The following GRID2 variants were observed in gnomAD, a reference collection of about 807,000 sequenced individuals.
The protein encoded by GRID2 is glutamate receptor ionotropic, delta-2.
GRID2 carries 33 observed loss-of-function variants against 114.8 expected under a neutral mutation model. That is an observed-to-expected ratio of 0.29 (90% CI 0.22 to 0.38). The LOEUF (loss-of-function observed/expected upper bound fraction) is 0.38. Among genes scored for constraint, GRID2 ranks in the 10% least tolerant of loss-of-function variants. The pLI, the probability that GRID2 is intolerant of heterozygous loss-of-function variation, is 1.00. For missense variants in GRID2, 1,184 were observed against 1,257.7 expected (o/e 0.94, Z 0.89); for synonymous variants, 505 against 449.9 (o/e 1.12, Z -1.55).
chr4:93,525,735 G>C (rs1730821894), intron 13 of GRID2, among the ~76,000 whole-genome samples: 1 of 152,048 alleles, frequency 6.6e-6, no homozygotes, highest in Admixed American at 6.6e-5. Context: ...GACTGTAGTG[G>C]GAGTCCCTAA....
At chr4:93,353,013 G>GA (rs1353738755) in intron 8 of GRID2, among the ~76,000 whole-genome samples, 1 of 152,020 alleles carries the variant, frequency 6.6e-6, no homozygotes, top group Non-Finnish European at 1.5e-5. Context: ...TGCAAGTCCT[G>GA]AAAATATCAT....
chr4:93,753,363 C>G (rs1448221559), intron 14 of GRID2, among the ~76,000 whole-genome samples: 2 of 152,086 alleles, frequency 1.3e-5, no homozygotes, highest in Non-Finnish European at 2.9e-5. Context: ...TATTATTATA[C>G]TTTAAGTTCT....
intron 2 of GRID2, among the ~76,000 whole-genome samples, chr4:93,021,700 A>G (rs1723351011): frequency 6.9e-6 from 1 of 145,352 alleles, no homozygotes; most frequent in South Asian, 2.1e-4. Flanking sequence ...TATGTATATT[A>G]TGAATATTAT....
chr4:92,752,398 T>C (rs1201110762), intron 2 of GRID2, among the ~76,000 whole-genome samples: 1 of 152,154 alleles, frequency 6.6e-6, no homozygotes, highest in African/African-American at 2.4e-5. Context: ...CATTTCTTAG[T>C]CTGTGACAAG....
chr4:92,965,091 A>G (rs1025982348), intron 2 of GRID2, among the ~76,000 whole-genome samples: 2 of 151,906 alleles, frequency 1.3e-5, no homozygotes. Context: ...CTTTCACTTG[A>G]GCATGTAGAG....
intron 8 of GRID2, among the ~76,000 whole-genome samples, chr4:93,246,273 A>G (rs1049234046): frequency 6.6e-6 from 1 of 152,144 alleles, no homozygotes; most frequent in East Asian, 1.9e-4. Flanking sequence ...AGGTTTATAT[A>G]ATAGAGAGAA....
chr4:92,705,832 C>A (rs1285174098), intron 2 of GRID2, among the ~76,000 whole-genome samples: 1 of 152,102 alleles, frequency 6.6e-6, no homozygotes, highest in Non-Finnish European at 1.5e-5. Context: ...GGTCTTTGTC[C>A]TGCTGTATCA....
intron 14 of GRID2, among the ~76,000 whole-genome samples, chr4:93,670,349 A>G (rs1170251512): frequency 2.0e-5 from 3 of 152,166 alleles, no homozygotes; most frequent in Non-Finnish European, 2.9e-5. Flanking sequence ...TTCCTATCCA[A>G]TAACAAAGAC....
At chr4:93,372,912 T>A (rs1763063734) in intron 8 of GRID2, among the ~76,000 whole-genome samples, 1 of 152,156 alleles carries the variant, frequency 6.6e-6, no homozygotes, top group South Asian at 2.1e-4. Flanking sequence ...ACTAGATAGA[T>A]GTGCAATATA....
intron 2 of GRID2, among the ~76,000 whole-genome samples, chr4:92,872,452 G>A (rs1745342790): frequency 6.6e-6 from 1 of 151,872 alleles, no homozygotes; most frequent in African/African-American, 2.4e-5. Context: ...TTTTTGGTAA[G>A]GAGAAATGTT....
intron 8 of GRID2, among the ~76,000 whole-genome samples, chr4:93,338,646 T>A (rs961464259): frequency 1.3e-5 from 2 of 152,284 alleles, no homozygotes; most frequent in East Asian, 1.9e-4. Flanking sequence ...AACATTTGGA[T>A]CTTGTGAGCT....
At chr4:92,540,354 C>G (rs992150174) in intron 1 of GRID2, among the ~76,000 whole-genome samples, 3 of 152,142 alleles carry the variant, frequency 2.0e-5, no homozygotes, top group Admixed American at 2.0e-4. Context: ...TCAGAGTGAA[C>G]AGGCAACCTA....
intron 13 of GRID2, among the ~76,000 whole-genome samples, chr4:93,589,162 T>C (rs1737869377): frequency 6.6e-6 from 1 of 151,520 alleles, no homozygotes; most frequent in African/African-American, 2.4e-5. Flanking sequence ...TAACTCGTCA[T>C]CTAGCATTAG....
chr4:92,455,742 T>G (rs1721182288), intron 1 of GRID2, among the ~76,000 whole-genome samples: 1 of 152,168 alleles, frequency 6.6e-6, no homozygotes, highest in South Asian at 2.1e-4. Context: ...TGCATCCTCA[T>G]GTAACTCAAG....
At chr4:93,536,497 C>T (rs577346054) in intron 13 of GRID2, among the ~76,000 whole-genome samples, 1 of 151,918 alleles carries the variant, frequency 6.6e-6, no homozygotes, top group South Asian at 2.1e-4. Context: ...TGGATATCCA[C>T]ACGCAAGAGA....
At chr4:92,598,051 T>C (rs964932880) in intron 2 of GRID2, among the ~76,000 whole-genome samples, 1 of 152,206 alleles carries the variant, frequency 6.6e-6, no homozygotes, top group African/African-American at 2.4e-5. Context: ...CCTTGACAAG[T>C]GTAATGAGGT....
intron 7 of GRID2, among the ~76,000 whole-genome samples, chr4:93,228,381 G>A (rs918602670): frequency 3.9e-5 from 6 of 152,086 alleles, no homozygotes; most frequent in Non-Finnish European, 5.9e-5. Flanking sequence ...GCATTAATCC[G>A]TTCATGAAGG....
At chr4:92,435,497 A>T (rs1486926099) in intron 1 of GRID2, among the ~76,000 whole-genome samples, 2 of 152,144 alleles carry the variant, frequency 1.3e-5, no homozygotes, top group Non-Finnish European at 2.9e-5. Context: ...CATTTATGTC[A>T]TACCCTACTT....
intron 4 of GRID2, among the ~76,000 whole-genome samples, chr4:93,173,781 C>T (rs1472744285): frequency 1.3e-5 from 2 of 152,124 alleles, no homozygotes; most frequent in Non-Finnish European, 2.9e-5. Context: ...AGGCATGTGC[C>T]ACCACACCCA....
Sources: gnomAD v4.1 joint callset for allele counts (sites outside exome capture counted in the v4.1 genomes callset) on GRCh38, gnomAD v4.1.1 for gene constraint, MANE v1.5 for transcripts, NCBI Gene and HGNC (gene_info 2026-07-23, HGNC 2026-07-21) for gene names.